The following PSD3 variants were observed in gnomAD, a reference collection of about 807,000 sequenced individuals.
The protein encoded by PSD3 is pleckstrin and Sec7 domain containing 3.
A neutral mutation model predicts 105.5 loss-of-function variants in PSD3; 49 were observed. The ratio of observed to expected loss-of-function variants is 0.46; its 90% CI spans 0.37 to 0.59. The LOEUF (loss-of-function observed/expected upper bound fraction) is 0.59, where lower values mean the gene tolerates loss of function less well. PSD3 is among the 20% of genes least tolerant of loss of function. PSD3 has a pLI of 0.00. For missense variants in PSD3, 1,561 were observed against 1,263.8 expected, an observed-to-expected ratio of 1.24 and a Z score of -3.57; for synonymous variants, 557 against 457.8, an observed-to-expected ratio of 1.22 and a Z score of -2.77.
chr8:18,887,750 T>C (rs1818531893), intron 2 of PSD3, among the ~76,000 whole-genome samples: 1 of 152,218 alleles, frequency 6.6e-6, no homozygotes, highest in Admixed American at 6.5e-5. Flanking sequence ...ATTCATTCCA[T>C]ATACATTTAC....
In PSD3 at chr8:18,988,100, T is replaced by A. The variant is rs534391632; in HGVS notation, c.21+25463A>T. On this transcript the variant is annotated intron_variant, in intron 1 of 15. Transcript: ENST00000327040. ...AAGCACCAATGAATGTTAGAAAAAA[T>A]AAATAAATAAATACATATATATATA... is the stretch of plus-strand genomic sequence containing the variant. Among the ~76,000 whole-genome samples the A allele has an allele frequency of 6.1e-4, 75 of 122,704 alleles. No homozygotes were observed. The South Asian group carries it at 0.016, about 26-fold the overall frequency. 80.5% of individuals were successfully genotyped at this position (122,704 alleles called of 152,430 possible).
chr8:18,954,069 A>C (rs1823405846), intron 1 of PSD3, among the ~76,000 whole-genome samples: 1 of 152,178 alleles, frequency 6.6e-6, no homozygotes, highest in Non-Finnish European at 1.5e-5. Context: ...GTATTGGTAC[A>C]GGCCATTTAA....
At chr8:18,637,877 G>T (rs978847131) in intron 10 of PSD3, among the ~76,000 whole-genome samples, 22 of 152,014 alleles carry the variant, frequency 1.4e-4, no homozygotes, top group African/African-American at 5.1e-4. Context: ...TCAGTACTGG[G>T]CCCAGCATGG....
At chr8:18,708,523 T>C (rs1388951985) in intron 9 of PSD3, among the ~76,000 whole-genome samples, 2 of 152,156 alleles carry the variant, frequency 1.3e-5, no homozygotes, top group Non-Finnish European at 2.9e-5. Context: ...ACTTATAAGT[T>C]ACAGACCACA....
intron 1 of PSD3, among the ~76,000 whole-genome samples, chr8:19,074,939 A>G (rs1829417914): frequency 7.0e-6 from 1 of 143,334 alleles, no homozygotes; most frequent in African/African-American, 2.5e-5. Flanking sequence ...AATACTTTTG[A>G]AAATTAATTA....
chr8:18,842,480 T>C (rs1814706504), intron 4 of PSD3, among the ~76,000 whole-genome samples: 1 of 152,184 alleles, frequency 6.6e-6, no homozygotes, highest in Non-Finnish European at 1.5e-5. Context: ...ACGCCTGTAA[T>C]CCCAGCACTC....
intron 15 of PSD3, among the ~76,000 whole-genome samples, chr8:18,546,786 C>A (rs746485153): frequency 5.3e-5 from 8 of 152,160 alleles, no homozygotes; most frequent in Non-Finnish European, 1.0e-4. Flanking sequence ...CTACTTATTT[C>A]CCTCCAACCC....
At chr8:18,983,965 A>C (rs904959435) in intron 1 of PSD3, among the ~76,000 whole-genome samples, 1 of 151,398 alleles carries the variant, frequency 6.6e-6, no homozygotes, top group African/African-American at 2.4e-5. Context: ...TGATTGTGCT[A>C]CCATACTCCA....
chr8:18,720,830 C>G (rs1802921829), intron 9 of PSD3: 1 of 152,096 alleles, frequency 6.6e-6, no homozygotes, highest in Non-Finnish European at 1.5e-5. Flanking sequence ...TAAAGGGTCA[C>G]ATTCCAAAGC....
chr8:18,616,717 G>C (rs1022686166), intron 11 of PSD3, among the ~76,000 whole-genome samples: 2 of 141,962 alleles, frequency 1.4e-5, no homozygotes, highest in African/African-American at 5.2e-5. Context: ...TCCGCCTCCC[G>C]GGTTCACGCC....
intron 11 of PSD3, among the ~76,000 whole-genome samples, chr8:18,625,167 G>C (rs939362836): frequency 6.8e-6 from 1 of 147,324 alleles, no homozygotes; most frequent in Admixed American, 6.9e-5. Flanking sequence ...TGGTTTTTGT[G>C]TTAGAACTGA....
At chr8:18,592,252 GA>G (rs1803668686) in intron 12 of PSD3, among the ~76,000 whole-genome samples, 1 of 152,124 alleles carries the variant, frequency 6.6e-6, no homozygotes, top group South Asian at 2.1e-4. Context: ...GAAAAATTCA[GA>G]TGAGAGGCTC....
At chr8:18,992,369 C>T (rs118070652) in intron 1 of PSD3, among the ~76,000 whole-genome samples, 1,700 of 152,160 alleles carry the variant, frequency 0.011, 10 homozygotes, top group Non-Finnish European at 0.016. Context: ...TCTCATCTCA[C>T]AGTAAAAGCT....
intron 10 of PSD3, among the ~76,000 whole-genome samples, chr8:18,645,733 TGAG>T (rs1004377440): frequency 1.1e-4 from 16 of 152,322 alleles, no homozygotes; most frequent in African/African-American, 3.8e-4. Context: ...AGAATTTCAA[TGAG>T]GTGTAATGAG....
chr8:18,974,882 G>C (rs1824844098), intron 1 of PSD3, among the ~76,000 whole-genome samples: 1 of 152,016 alleles, frequency 6.6e-6, no homozygotes, highest in South Asian at 2.1e-4. Context: ...GTGGACCGCA[G>C]TGCTAATTAC....
At chr8:18,539,936 C>G (rs1015631498) in intron 15 of PSD3, among the ~76,000 whole-genome samples, 4 of 152,156 alleles carry the variant, frequency 2.6e-5, no homozygotes, top group African/African-American at 9.7e-5. Flanking sequence ...CCAAGAAGCT[C>G]ATCAATCATA....
intron 4 of PSD3, among the ~76,000 whole-genome samples, chr8:18,834,150 A>C (rs1813904017): frequency 1.3e-5 from 2 of 152,206 alleles, no homozygotes; most frequent in South Asian, 2.1e-4. Flanking sequence ...CAAAGAGCAC[A>C]TGAAAGATAA....
chr8:18,842,816 A>G (rs77484860), intron 4 of PSD3, among the ~76,000 whole-genome samples: 1,617 of 152,312 alleles, frequency 0.011, 31 homozygotes, highest in African/African-American at 0.036. Flanking sequence ...GGTTTTAGAC[A>G]AACATCTATC....
intron 9 of PSD3, among the ~76,000 whole-genome samples, chr8:18,681,001 T>C (rs113329146): frequency 8.2e-5 from 1 of 12,262 alleles, no homozygotes; most frequent in Non-Finnish European, 7.8e-3. Flanking sequence ...ACCATTATGT[T>C]TTAATGGCCA....
Sources: allele counts gnomAD v4.1 joint callset (sites outside exome capture counted in the v4.1 genomes callset), GRCh38; gene constraint gnomAD v4.1.1; transcripts MANE v1.5; gene names NCBI Gene and HGNC (gene_info 2026-07-23, HGNC 2026-07-21).